The following CNTNAP2 variants were observed in gnomAD, a reference collection of about 807,000 sequenced individuals.
CNTNAP2 encodes the protein contactin associated protein 2, also known as contactin-associated protein-like 2.
CNTNAP2 carries 98 observed loss-of-function variants against 155.2 expected under a neutral mutation model. The observed-to-expected ratio is 0.63, with a 90% confidence interval of 0.54 to 0.75. The LOEUF (loss-of-function observed/expected upper bound fraction) is 0.75. CNTNAP2 is among the 30% of genes least tolerant of loss of function. The pLI is 0.00. For missense variants in CNTNAP2, 1,727 were observed against 1,688.1 expected (o/e 1.02, Z -0.40); for synonymous variants, 651 against 631.2 (o/e 1.03, Z -0.47).
At chr7:148,410,449 C>G (rs1445100496) in intron 23 of CNTNAP2, among the ~76,000 whole-genome samples, 3 of 151,702 alleles carry the variant, frequency 2.0e-5, no homozygotes, top group Non-Finnish European at 4.4e-5. Context: ...TTCCTGTAAT[C>G]CCAGCTACTC....
At chr7:148,407,406 T>C (rs1799727285) in intron 22 of CNTNAP2, among the ~76,000 whole-genome samples, 2 of 152,096 alleles carry the variant, frequency 1.3e-5, no homozygotes, top group Non-Finnish European at 2.9e-5. Context: ...TAACTGGATT[T>C]AGGATTGGAC....
At chr7:146,226,354 A>G (rs1799292750) in intron 1 of CNTNAP2, among the ~76,000 whole-genome samples, 1 of 152,138 alleles carries the variant, frequency 6.6e-6, no homozygotes, top group Admixed American at 6.6e-5. Flanking sequence ...ACATCTGCAA[A>G]ATTTTAAAAA....
intron 13 of CNTNAP2, among the ~76,000 whole-genome samples, chr7:147,768,159 A>T (rs559465377): frequency 7.0e-4 from 107 of 152,274 alleles, no homozygotes; most frequent in African/African-American, 2.4e-3. Context: ...GTCTCATCTG[A>T]AAAGGTTGAA....
At chr7:146,401,745 C>T (rs1301268548) in intron 1 of CNTNAP2, among the ~76,000 whole-genome samples, 1 of 152,122 alleles carries the variant, frequency 6.6e-6, no homozygotes, top group African/African-American at 2.4e-5. Flanking sequence ...TGCGTTCTCT[C>T]CTTTAAGTGG....
At chr7:146,334,638 T>C (rs756615953) in intron 1 of CNTNAP2, among the ~76,000 whole-genome samples, 6 of 152,166 alleles carry the variant, frequency 3.9e-5, no homozygotes, top group Non-Finnish European at 5.9e-5. Context: ...TGGAATTCTT[T>C]CTACCTGTAG....
intron 1 of CNTNAP2, among the ~76,000 whole-genome samples, chr7:146,172,781 T>G (rs1798413624): frequency 6.6e-6 from 1 of 152,198 alleles, no homozygotes; most frequent in African/African-American, 2.4e-5. Context: ...GTTTAAGAAC[T>G]CTTCCTTAGT....
intron 12 of CNTNAP2, among the ~76,000 whole-genome samples, chr7:147,611,429 C>T (rs1801182224): frequency 6.6e-6 from 1 of 152,138 alleles, no homozygotes; most frequent in African/African-American, 2.4e-5. Flanking sequence ...TAAATGTAGT[C>T]AGTAACTCTA....
At chr7:147,819,997 A>T (rs935795726) in intron 13 of CNTNAP2, among the ~76,000 whole-genome samples, 1 of 152,052 alleles carries the variant, frequency 6.6e-6, no homozygotes, top group African/African-American at 2.4e-5. Context: ...TTATAGATCT[A>T]TTTTTTTAAA....
chr7:146,699,107 GCTGTATC>G (rs1410047870), intron 1 of CNTNAP2, among the ~76,000 whole-genome samples: 24 of 152,158 alleles, frequency 1.6e-4, no homozygotes, highest in African/African-American at 4.8e-4. Context: ...CAAAGTTTCT[GCTGTATC>G]TAAGTAGGTT....
intron 3 of CNTNAP2, among the ~76,000 whole-genome samples, chr7:146,897,709 G>A (rs183491349): frequency 1.3e-5 from 2 of 151,878 alleles, no homozygotes; most frequent in Admixed American, 1.3e-4. Flanking sequence ...TTTTTCTCTA[G>A]AGCAGTATCT....
chr7:147,873,814 A>T (rs1285034520), intron 13 of CNTNAP2, among the ~76,000 whole-genome samples: 1 of 152,186 alleles, frequency 6.6e-6, no homozygotes, highest in Non-Finnish European at 1.5e-5. Context: ...TGTAAAATCA[A>T]AAGCAAGTTA....
At chr7:147,350,460 T>A (rs1795950427) in intron 9 of CNTNAP2, among the ~76,000 whole-genome samples, 1 of 152,026 alleles carries the variant, frequency 6.6e-6, no homozygotes, top group African/African-American at 2.4e-5. Context: ...AAATAATGTA[T>A]GATTCTTTAA....
At chr7:146,912,429 GA>G (rs890767243) in intron 3 of CNTNAP2, among the ~76,000 whole-genome samples, 29 of 152,002 alleles carry the variant, frequency 1.9e-4, no homozygotes, top group African/African-American at 7.0e-4. Flanking sequence ...TCCATAATAA[GA>G]AAAAAGATAA....
At chr7:147,270,752 T>C (rs1804727998) in intron 8 of CNTNAP2, among the ~76,000 whole-genome samples, 1 of 152,252 alleles carries the variant, frequency 6.6e-6, no homozygotes, top group Admixed American at 6.5e-5. Flanking sequence ...TTCTGCTTCT[T>C]TCAGCCCTTA....
In CNTNAP2 at chr7:147,313,853, C is replaced by T. The variant is rs578053941; in HGVS notation, c.1498+13563C>T. Reference sequence around the variant, plus strand: ...CATTGAATCTATAAATTACCTTGGGCAGTATGGCCATTTTCACGATATTGA... The same window carrying T: ...CATTGAATCTATAAATTACCTTGGGTAGTATGGCCATTTTCACGATATTGA... On this transcript the variant is annotated intron_variant, in intron 9 of 23. Transcript: ENST00000361727. 5.9e-5 allele frequency among the ~76,000 whole-genome samples: 9 copies of T among 151,424 alleles called. No individual in the cohort carries two copies. In the South Asian group the frequency reaches 1.9e-3, roughly 32 times the overall value.
At chr7:147,833,347 C>T (rs772768706) in intron 13 of CNTNAP2, among the ~76,000 whole-genome samples, 12 of 152,182 alleles carry the variant, frequency 7.9e-5, no homozygotes, top group Non-Finnish European at 1.6e-4. Flanking sequence ...CTTAATCTCT[C>T]CGAGCTTCAA....
chr7:146,967,943 G>A (rs1234069816), intron 3 of CNTNAP2, among the ~76,000 whole-genome samples: 1 of 150,274 alleles, frequency 6.7e-6, no homozygotes, highest in Non-Finnish European at 1.5e-5. Context: ...ATTGGCTGTG[G>A]GTTTGTCATA....
At chr7:146,756,375 C>CTTG (rs935715115) in intron 1 of CNTNAP2, among the ~76,000 whole-genome samples, 1 of 151,930 alleles carries the variant, frequency 6.6e-6, no homozygotes, top group Non-Finnish European at 1.5e-5. Context: ...TAGTGGTATG[C>CTTG]TTGATAACAT....
intron 15 of CNTNAP2, among the ~76,000 whole-genome samples, chr7:147,990,475 A>G (rs945415020): frequency 2.0e-5 from 3 of 151,306 alleles, no homozygotes; most frequent in Non-Finnish European, 4.4e-5. Context: ...CAGGGTTGAA[A>G]TGTCTCTGGT....
Sources: allele counts gnomAD v4.1 joint callset (sites outside exome capture counted in the v4.1 genomes callset), GRCh38; gene constraint gnomAD v4.1.1; transcripts MANE v1.5; gene names NCBI Gene and HGNC (gene_info 2026-07-23, HGNC 2026-07-21).